The following RBMS3 variants were observed in gnomAD, a reference collection of about 807,000 sequenced individuals.
RBMS3 encodes RNA binding motif single stranded interacting protein 3.
A neutral mutation model predicts 66.8 loss-of-function variants in RBMS3; 27 were observed. The observed-to-expected ratio is 0.40, with a 90% CI of 0.30 to 0.56. The LOEUF is 0.56. Among genes scored for constraint, RBMS3 ranks in the 20% least tolerant of loss-of-function variants. RBMS3 has a pLI of 0.40. For synonymous variants in RBMS3, 188 were observed against 183.0 expected (o/e 1.03, Z -0.22); for missense variants, 513 against 549.5 (o/e 0.93, Z 0.66).
chr3:29,989,825 C>A (rs1311518561), intron 13 of RBMS3, among the ~76,000 whole-genome samples: 2 of 152,134 alleles, frequency 1.3e-5, no homozygotes, highest in African/African-American at 2.4e-5. Flanking sequence ...TCAAAAAGCA[C>A]CTATGCGATA....
At position 29,929,857 on chromosome 3, in the gene RBMS3, C is replaced by T. The variant is rs555247874; in HGVS notation, c.940-6229C>T. Among the ~76,000 whole-genome samples the T allele has an allele frequency of 2.0e-5, 3 of 151,968 alleles. No individual in the cohort carries two copies. In the East Asian group the frequency reaches 5.8e-4, roughly 29 times the overall value. On this transcript the variant is annotated intron_variant, in intron 10 of 14. Coordinates refer to ENST00000383767, the MANE Select transcript of RBMS3 (RefSeq NM_001003793.3). The stretch of plus-strand genomic sequence containing the variant: ...TCATGCCAATTAGTCTAATCCTGTC[C>T]AAGCATAGGAAAGAGAAACCCAGCT...
intron 1 of RBMS3, among the ~76,000 whole-genome samples, chr3:29,421,130 A>G (rs1168283218): frequency 6.9e-6 from 1 of 145,116 alleles, no homozygotes; most frequent in Non-Finnish European, 1.5e-5. Context: ...AAAAAAAAAG[A>G]AAACAGAAAA....
At chr3:29,441,561 G>A (rs2041620660) in intron 2 of RBMS3, among the ~76,000 whole-genome samples, 1 of 152,002 alleles carries the variant, frequency 6.6e-6, no homozygotes. Flanking sequence ...TCAAAATCTG[G>A]ATCTGACTTC....
chr3:29,467,420 G>A (rs1054557042), intron 2 of RBMS3, among the ~76,000 whole-genome samples: 3 of 152,114 alleles, frequency 2.0e-5, no homozygotes, highest in African/African-American at 7.2e-5. Context: ...GCGTTTATGT[G>A]CTTACATACA....
chr3:29,359,888 T>A (rs1559515335), intron 1 of RBMS3, among the ~76,000 whole-genome samples: 3 of 152,252 alleles, frequency 2.0e-5, no homozygotes, highest in Non-Finnish European at 4.4e-5. Context: ...GGATCAGTGG[T>A]GATATCCCCT....
At chr3:29,902,567 T>C (rs1351176341) in intron 10 of RBMS3, among the ~76,000 whole-genome samples, 1 of 151,878 alleles carries the variant, frequency 6.6e-6, no homozygotes, top group Admixed American at 6.6e-5. Flanking sequence ...AAAATGCCCA[T>C]TGAGAATCTC....
At chr3:29,670,484 G>A (rs886819065) in intron 4 of RBMS3, among the ~76,000 whole-genome samples, 1 of 152,104 alleles carries the variant, frequency 6.6e-6, no homozygotes, top group African/African-American at 2.4e-5. Context: ...AAGGGGTCAG[G>A]GAATTCCCTC....
rs533573682 is a variant in RBMS3, at chr3:29,970,590, C to T, written c.1099-17553C>T. On this transcript the variant is annotated intron_variant, in intron 12 of 14. Transcript: ENST00000383767. ...TTATTTTCTTTGTTTGAGAATGTAA[C>T]TGAGATATCACTGGGTCTCTCAATA... Among the ~76,000 whole-genome samples the T allele has an allele frequency of 2.4e-3, 371 of 152,192 alleles. 1 individual carries two copies. The highest frequency in any genetic ancestry group is 4.4e-3 in the Non-Finnish European group (302 of 68,004).
chr3:29,990,460 CAAAAAAAAAAAAA>C (rs10596526), intron 13 of RBMS3, among the ~76,000 whole-genome samples: 5 of 106,514 alleles, frequency 4.7e-5, no homozygotes, highest in African/African-American at 1.8e-4. Context: ...CTGTGAGAAA[CAAAAAAAAAAAAA>C]AAAAAAAAAA....
At chr3:29,368,548 G>A (rs948506751) in intron 1 of RBMS3, among the ~76,000 whole-genome samples, 1 of 149,872 alleles carries the variant, frequency 6.7e-6, no homozygotes, top group Non-Finnish European at 1.5e-5. Context: ...AAAAATGAGA[G>A]TTCACAAGGA....
intron 3 of RBMS3, among the ~76,000 whole-genome samples, chr3:29,577,360 C>T (rs2047155709): frequency 6.6e-6 from 1 of 152,206 alleles, no homozygotes; most frequent in African/African-American, 2.4e-5. Context: ...AGCTGCCTTA[C>T]TTATGGCTGG....
chr3:29,531,241 G>C (rs934918037), intron 3 of RBMS3, among the ~76,000 whole-genome samples: 5 of 152,220 alleles, frequency 3.3e-5, no homozygotes, highest in African/African-American at 1.2e-4. Flanking sequence ...CAGACAGGCA[G>C]ACTTTGTATC....
At chr3:29,508,650 G>A (rs1366848010) in intron 3 of RBMS3, among the ~76,000 whole-genome samples, 1 of 151,966 alleles carries the variant, frequency 6.6e-6, no homozygotes, top group African/African-American at 2.4e-5. Context: ...GAATAGTGCT[G>A]CAGTAAACAT....
chr3:29,536,056 T>C (rs2045546736), intron 3 of RBMS3, among the ~76,000 whole-genome samples: 1 of 152,156 alleles, frequency 6.6e-6, no homozygotes, highest in African/African-American at 2.4e-5. Context: ...ACAAATGACG[T>C]CTGAATCTCT....
At chr3:29,832,219 A>T (rs2058387667) in intron 6 of RBMS3, among the ~76,000 whole-genome samples, 1 of 152,356 alleles carries the variant, frequency 6.6e-6, no homozygotes, top group South Asian at 2.1e-4. Context: ...AGACACATAC[A>T]AAGAGAGAGG....
intron 2 of RBMS3, among the ~76,000 whole-genome samples, chr3:29,439,615 A>ATTT (rs2041541049): frequency 1.4e-5 from 1 of 70,176 alleles, no homozygotes; most frequent in Non-Finnish European, 2.7e-5. Flanking sequence ...ATTTATTTTT[A>ATTT]TTATTATTAT....
chr3:29,802,519 C>A (rs1576849211), intron 6 of RBMS3, among the ~76,000 whole-genome samples: 1 of 152,146 alleles, frequency 6.6e-6, no homozygotes, highest in East Asian at 1.9e-4. Flanking sequence ...TGAAATATAA[C>A]CCATGATCAT....
intron 5 of RBMS3, among the ~76,000 whole-genome samples, chr3:29,756,472 A>G (rs974674356): frequency 1.3e-5 from 2 of 152,146 alleles, no homozygotes; most frequent in African/African-American, 4.8e-5. Context: ...CTTGTCTTAC[A>G]TGGCAGTAGG....
intron 1 of RBMS3, among the ~76,000 whole-genome samples, chr3:29,408,700 C>T (rs901497796): frequency 2.6e-5 from 4 of 152,136 alleles, no homozygotes; most frequent in African/African-American, 9.7e-5. Flanking sequence ...CCCAGCTTTT[C>T]TGAGAAGTAC....
Sources: gnomAD v4.1 joint callset for allele counts (sites outside exome capture counted in the v4.1 genomes callset) on GRCh38, gnomAD v4.1.1 for gene constraint, MANE v1.5 for transcripts, NCBI Gene and HGNC (gene_info 2026-07-23, HGNC 2026-07-21) for gene names.